PXDNL: variants seen among roughly 807,000 people sequenced by gnomAD.
PXDNL encodes the protein peroxidasin like.
A neutral mutation model predicts 150.8 loss-of-function variants in PXDNL; 145 were observed. The observed-to-expected ratio is 0.96, with a 90% CI of 0.84 to 1.10. The LOEUF (loss-of-function observed/expected upper bound fraction) is 1.10. Among genes scored for constraint, PXDNL ranks in the 50% least tolerant of loss-of-function variants. The pLI, the probability that PXDNL is intolerant of heterozygous loss-of-function variation, is 0.00. For missense variants in PXDNL, 2,087 were observed against 1,873.9 expected, an observed-to-expected ratio of 1.11 and a Z score of -2.10; for synonymous variants, 757 against 725.7, an observed-to-expected ratio of 1.04 and a Z score of -0.69.
At chr8:51,540,785 A>C (rs1234818421) in intron 4 of PXDNL, among the ~76,000 whole-genome samples, 1 of 152,148 alleles carries the variant, frequency 6.6e-6, no homozygotes, top group African/African-American at 2.4e-5. Flanking sequence ...TACTTGTTCT[A>C]TCAGTTACTA....
chr8:51,541,295 G>T (rs73586749), intron 4 of PXDNL, among the ~76,000 whole-genome samples: 4,860 of 150,796 alleles, frequency 0.032, 274 homozygotes, highest in African/African-American at 0.11. Context: ...CTGCCACACA[G>T]TTACATTTCT....
intron 1 of PXDNL, among the ~76,000 whole-genome samples, chr8:51,763,270 T>C (rs2037184742): frequency 6.6e-6 from 1 of 150,904 alleles, no homozygotes; most frequent in Admixed American, 6.6e-5. Flanking sequence ...TGCATGTATA[T>C]ATATAAGAAA....
chr8:51,675,903 A>G (rs1377442637), intron 1 of PXDNL, among the ~76,000 whole-genome samples: 1 of 152,164 alleles, frequency 6.6e-6, no homozygotes, highest in African/African-American at 2.4e-5. Context: ...ACTTCAGTCA[A>G]TATAGAAAGC....
chr8:51,639,821 G>A (rs927243053), intron 2 of PXDNL, among the ~76,000 whole-genome samples: 1 of 152,044 alleles, frequency 6.6e-6, no homozygotes, highest in African/African-American at 2.4e-5. Flanking sequence ...CCAATCAATA[G>A]AAAAAGTGGG....
chr8:51,435,486 CA>C (rs1316093036), intron 12 of PXDNL: 1 of 22,874 alleles, frequency 4.4e-5, no homozygotes, highest in African/African-American at 1.0e-4. Flanking sequence ...CTGAAATAAA[CA>C]AGTTAAAATT....
intron 2 of PXDNL, among the ~76,000 whole-genome samples, chr8:51,619,504 G>A (rs1214634565): frequency 1.3e-5 from 2 of 152,186 alleles, no homozygotes; most frequent in Admixed American, 1.3e-4. Flanking sequence ...TGGAGGTGGG[G>A]CCTGGTGGGA....
chr8:51,756,643 A>C (rs1200052829), intron 1 of PXDNL, among the ~76,000 whole-genome samples: 1 of 152,126 alleles, frequency 6.6e-6, no homozygotes. Flanking sequence ...CTTATATTTT[A>C]CAGCTATGTT....
intron 1 of PXDNL, among the ~76,000 whole-genome samples, chr8:51,661,833 T>A (rs1445770252): frequency 6.7e-6 from 1 of 149,666 alleles, no homozygotes; most frequent in Non-Finnish European, 1.5e-5. Context: ...GTGGGGTGAT[T>A]TTTTCTTTCT....
At chr8:51,680,967 C>T (rs1222622863) in intron 1 of PXDNL, among the ~76,000 whole-genome samples, 6 of 135,370 alleles carry the variant, frequency 4.4e-5, no homozygotes, top group African/African-American at 1.7e-4. Context: ...GGGATTTGCC[C>T]AGAAAAGTCA....
chr8:51,335,263 G>A (rs10101803), intron 21 of PXDNL, among the ~76,000 whole-genome samples: 34,011 of 152,114 alleles, frequency 0.22, 3,924 homozygotes, highest in Middle Eastern at 0.3. Flanking sequence ...ACCACAAAGT[G>A]TTTTTCTGGC....
rs574862836 is a variant in PXDNL, at chr8:51,386,297, C to T, written c.3558-11566G>A. Among the ~76,000 whole-genome samples the T allele has an allele frequency of 2.8e-3, 421 of 151,944 alleles. 4 individuals are homozygous for T. Among genetic ancestry groups the T allele is most frequent in the African/African-American group, 9.7e-3 (401 of 41,452 alleles). ...TAGTAGAGATGGGGTTTCACCATATCGGCCAGGCTGGTCTCGAACTCCTGA... is the reference window on the plus strand; with the variant it reads ...TAGTAGAGATGGGGTTTCACCATATTGGCCAGGCTGGTCTCGAACTCCTGA... On this transcript the variant is annotated intron_variant, in intron 17 of 22. Coordinates refer to ENST00000356297, the MANE Select transcript of PXDNL (RefSeq NM_144651.5).
At chr8:51,714,784 GA>G (rs1015150142) in intron 1 of PXDNL, among the ~76,000 whole-genome samples, 4 of 152,212 alleles carry the variant, frequency 2.6e-5, no homozygotes, top group African/African-American at 9.6e-5. Context: ...TTTCCATTCA[GA>G]CACCTTTTTG....
intron 16 of PXDNL, 150 bp from the exon 17 acceptor site, chr8:51,409,711 C>G: frequency 1.7e-6 from 1 of 573,814 alleles, no homozygotes; most frequent in Non-Finnish European, 2.9e-6. Context: ...TTCGTTAGCT[C>G]ACAACAAAAG....
chr8:51,802,170 G>A (rs1437494574), intron 1 of PXDNL, among the ~76,000 whole-genome samples: 1 of 150,326 alleles, frequency 6.7e-6, no homozygotes, highest in Non-Finnish European at 1.5e-5. Context: ...TCATGTTCAA[G>A]GTTTTTTTTT....
At chr8:51,335,053 C>A (rs1473436503) in intron 21 of PXDNL, among the ~76,000 whole-genome samples, 1 of 152,112 alleles carries the variant, frequency 6.6e-6, no homozygotes, top group South Asian at 2.1e-4. Context: ...TCCTTTCAAC[C>A]ATCTACATTT....
intron 19 of PXDNL, among the ~76,000 whole-genome samples, chr8:51,356,520 G>A (rs770262546): frequency 6.0e-5 from 9 of 148,924 alleles, no homozygotes; most frequent in Non-Finnish European, 1.3e-4. Flanking sequence ...AAGAAAATCC[G>A]TACCTAAGAT....
intron 3 of PXDNL, among the ~76,000 whole-genome samples, chr8:51,590,324 G>A (rs1813415538): frequency 1.3e-5 from 2 of 152,134 alleles, no homozygotes; most frequent in African/African-American, 4.8e-5. Flanking sequence ...AGCCTCCACA[G>A]AGAGTGCTCA....
intron 1 of PXDNL, among the ~76,000 whole-genome samples, chr8:51,690,085 G>A (rs1815958411): frequency 6.6e-6 from 1 of 152,176 alleles, no homozygotes; most frequent in Admixed American, 6.5e-5. Flanking sequence ...TTCGTGCAAA[G>A]ACCAAACCAA....
intron 1 of PXDNL, among the ~76,000 whole-genome samples, chr8:51,682,408 G>A (rs551894850): frequency 6.6e-6 from 1 of 152,232 alleles, no homozygotes; most frequent in South Asian, 2.1e-4. Flanking sequence ...CTCCTCCTGC[G>A]AGTGCTGAGG....
Sources: allele counts gnomAD v4.1 joint callset (sites outside exome capture counted in the v4.1 genomes callset), GRCh38; gene constraint gnomAD v4.1.1; transcripts MANE v1.5; gene names NCBI Gene and HGNC (gene_info 2026-07-23, HGNC 2026-07-21).